The following ZNF107 variants were observed in gnomAD, a reference collection of about 807,000 sequenced individuals.
The protein encoded by ZNF107 is zinc finger protein 107.
A neutral mutation model predicts 12.3 loss-of-function variants in ZNF107; 19 were observed. The ratio of observed to expected loss-of-function variants is 1.55; its 90% confidence interval spans 1.08 to 2.27. The LOEUF is 2.27. Ranked by LOEUF, ZNF107 falls within the 30% of genes most tolerant of loss-of-function variation. ZNF107 has a pLI of 0.00. For missense variants in ZNF107, 958 were observed against 979.9 expected (o/e 0.98, Z 0.30); for synonymous variants, 317 against 330.5 (o/e 0.96, Z 0.44).
intron 3 of ZNF107, among the ~76,000 whole-genome samples, chr7:64,703,941 C>T (rs1267683127): frequency 6.6e-6 from 1 of 151,440 alleles, no homozygotes; most frequent in Non-Finnish European, 1.5e-5. Flanking sequence ...TATATCTACA[C>T]AGATATATTC....
intron 1 of ZNF107, among the ~76,000 whole-genome samples, chr7:64,673,078 CTG>C (rs1239559425): frequency 6.6e-6 from 1 of 152,122 alleles, no homozygotes; most frequent in Non-Finnish European, 1.5e-5. Context: ...GAGTCACACT[CTG>C]TTGCCCAGGC....
At chr7:64,688,926 G>C (rs1276796681) in intron 1 of ZNF107, among the ~76,000 whole-genome samples, 1 of 151,904 alleles carries the variant, frequency 6.6e-6, no homozygotes, top group East Asian at 1.9e-4. Context: ...AAACAAATGA[G>C]AGTTTCTGAC....
At position 64,707,686 on chromosome 7, in the gene ZNF107, T is replaced by C. The variant is rs140894030; in HGVS notation, c.1589T>C (p.Ile530Thr). Residue 530 changes from isoleucine (I) to threonine (T), a missense_variant, in exon 4 of 4, where the codon ATT (isoleucine) becomes ACT (threonine). Transcript: ENST00000620827. The part of the protein sequence containing the change: ...QSSNLTEHKK[I>T]HTGEKPYKCE... ...TCAAACCTTACTGAACATAAGAAAA[T>C]TCATACTGGAGAGAAACCCTATAAA... 3.1e-6 allele frequency: 5 copies of C among 1,612,654 alleles called. No homozygotes were observed. The highest frequency in any genetic ancestry group is 2.7e-5 in the African/African-American group (2 of 74,902).
intron 3 of ZNF107, among the ~76,000 whole-genome samples, chr7:64,701,781 G>C (rs1164395594): frequency 6.6e-6 from 1 of 151,788 alleles, no homozygotes; most frequent in Non-Finnish European, 1.5e-5. Flanking sequence ...ATCACACCCA[G>C]CTAGATTTTT....
intron 3 of ZNF107, among the ~76,000 whole-genome samples, chr7:64,692,957 C>T (rs1409766106): frequency 2.0e-5 from 3 of 151,786 alleles, no homozygotes; most frequent in African/African-American, 7.3e-5. Context: ...CAACTTTTTA[C>T]TTGTCTTCAA....
At chr7:64,697,716 A>T (rs1374811428) in intron 3 of ZNF107, among the ~76,000 whole-genome samples, 15 of 145,002 alleles carry the variant, frequency 1.0e-4, no homozygotes, top group African/African-American at 3.9e-4. Context: ...TTTGAGACGG[A>T]GTCTCGCTTT....
At chr7:64,672,863 C>G (rs940398620) in intron 1 of ZNF107, among the ~76,000 whole-genome samples, 2 of 152,114 alleles carry the variant, frequency 1.3e-5, no homozygotes, top group African/African-American at 4.8e-5. Flanking sequence ...GAGGAATCAC[C>G]ACACTGCTTT....
rs567386441 is a variant in ZNF107, at chr7:64,675,187, C to T, written c.3+8902C>T. 4.6e-5 allele frequency among the ~76,000 whole-genome samples: 7 copies of T among 152,258 alleles called. No individual in the cohort carries two copies. In the East Asian group the frequency reaches 9.6e-4, roughly 21 times the overall value. ...TTTAGAAGAAATGGTACCGGCTCTT[C>T]TTTGTACATCTGGTAAAATTCAGCT... is the stretch of plus-strand genomic sequence containing the variant. On this transcript the variant is annotated intron_variant, in intron 1 of 3. Coordinates refer to ENST00000620827, the MANE Select transcript of ZNF107 (RefSeq NM_001282359.2).
chr7:64,685,299 C>T (rs1018089384), intron 1 of ZNF107, among the ~76,000 whole-genome samples: 3 of 152,200 alleles, frequency 2.0e-5, no homozygotes, highest in Middle Eastern at 3.2e-3. Flanking sequence ...AGTGCAACTA[C>T]GCCTTGCAGC....
At position 64,706,547 on chromosome 7, in the gene ZNF107, T is replaced by C. The variant is rs1790650182; in HGVS notation, c.450T>C (p.Tyr150=). Residue 150 remains tyrosine, a synonymous_variant, in exon 4 of 4, where the codon TAT becomes TAC. Transcript: ENST00000620827. The part of the protein sequence containing the change: ...TPSKIFQCNK[Y]VKVFDKFSNS... ...GCAAAATATTCCAGTGTAATAAATA[T>C]GTGAAAGTCTTTGATAAATTTTCAA... is the stretch of plus-strand genomic sequence containing the variant. 3.1e-6 allele frequency: 5 copies of C among 1,608,816 alleles called. 1 individual carries two copies. The South Asian group carries it at 3.3e-5, about 11-fold the overall frequency.
Position 64,708,403 on chromosome 7 carries a change from C to G in ZNF107, c.2306C>G (p.Ala769Gly), listed in dbSNP as rs1194683916. 2 of 1,603,708 alleles carry G rather than the reference C, an allele frequency of 1.2e-6. No homozygotes were observed. The highest frequency in any genetic ancestry group is 1.7e-6 in the Non-Finnish European group (2 of 1,172,900). The change falls in exon 4 of 4, where the codon GCT (alanine) becomes GGT (glycine). Residue 769 changes from alanine (A) to glycine (G), a missense_variant. Coordinates refer to ENST00000620827, the MANE Select transcript of ZNF107 (RefSeq NM_001282359.2). The part of the protein sequence containing the change: ...KPYKCEECGK[A>G]FNQSSNLTTH... ...TATAAATGTGAAGAATGTGGCAAAG[C>G]TTTTAACCAATCCTCAAACCTTACT...
intron 1 of ZNF107, among the ~76,000 whole-genome samples, chr7:64,682,791 T>C (rs1020692961): frequency 2.0e-5 from 3 of 151,838 alleles, no homozygotes; most frequent in Admixed American, 1.3e-4. Context: ...ACAACTACTC[T>C]CCTCCCATCT....
intron 1 of ZNF107, among the ~76,000 whole-genome samples, chr7:64,669,533 C>A (rs1361424714): frequency 6.6e-6 from 1 of 152,174 alleles, no homozygotes; most frequent in Non-Finnish European, 1.5e-5. Flanking sequence ...GTGGCTCACG[C>A]CTGTAATCCC....
At chr7:64,687,839 G>C (rs1789975743) in intron 1 of ZNF107, among the ~76,000 whole-genome samples, 1 of 152,122 alleles carries the variant, frequency 6.6e-6, no homozygotes, top group Non-Finnish European at 1.5e-5. Context: ...TATCATTGTG[G>C]AGTTACTCTG....
chr7:64,667,468 G>A (rs1472641730), intron 1 of ZNF107, among the ~76,000 whole-genome samples: 3 of 152,016 alleles, frequency 2.0e-5, no homozygotes, highest in African/African-American at 4.8e-5. Flanking sequence ...TTCCCTAGGC[G>A]CAGAGATCTT....
chr7:64,680,114 C>A (rs923412433), intron 1 of ZNF107, among the ~76,000 whole-genome samples: 1 of 152,094 alleles, frequency 6.6e-6, no homozygotes, highest in African/African-American at 2.4e-5. Flanking sequence ...GCCCCATACC[C>A]GAACTGGCTG....
In ZNF107 at chr7:64,691,197, A is replaced by T. The variant is rs1245041282; in HGVS notation, c.4-51A>T. ...ATCCTATACATTTTTTTAAAAATTC[A>T]ATGACAGCTTATGGCTGCTTGGTAA... On this transcript the variant is annotated intron_variant, in intron 1 of 3. Transcript: ENST00000620827. 5.2e-6 allele frequency: 7 copies of T among 1,358,218 alleles called. No homozygotes were observed. In the African/African-American group the frequency reaches 1.1e-4, roughly 21 times the overall value. The allele number at this position is 1,358,218 out of a possible 1,614,324, so 84.1% of individuals were successfully genotyped here.
At chr7:64,692,013 G>T (rs1030989015) in intron 3 of ZNF107, 53 bp downstream of exon 3, 17 of 1,253,306 alleles carry the variant, frequency 1.4e-5, no homozygotes, top group Non-Finnish European at 1.8e-5. Context: ...AAGGTCAAAG[G>T]TCAAAGAAAA....
chr7:64,684,080 T>G (rs1789799302), intron 1 of ZNF107, among the ~76,000 whole-genome samples: 1 of 152,000 alleles, frequency 6.6e-6, no homozygotes, highest in Non-Finnish European at 1.5e-5. Context: ...CCATCCTCAT[T>G]CCTCAGGAAA....
Sources: allele counts gnomAD v4.1 joint callset (sites outside exome capture counted in the v4.1 genomes callset), GRCh38; gene constraint gnomAD v4.1.1; transcripts MANE v1.5; gene names NCBI Gene and HGNC (gene_info 2026-07-23, HGNC 2026-07-21).